SLC8A1: variants seen among roughly 807,000 people sequenced by gnomAD.
SLC8A1 encodes the protein sodium/calcium exchanger 1.
Under a neutral mutation model 68.3 loss-of-function variants are expected in SLC8A1, and 18 were observed. The observed-to-expected ratio is 0.26, with a 90% confidence interval of 0.18 to 0.39. SLC8A1 has a LOEUF of 0.39. Among genes scored for constraint, SLC8A1 ranks in the 10% least tolerant of loss-of-function variants. The pLI, the probability that SLC8A1 is intolerant of heterozygous loss-of-function variation, is 1.00. For missense variants in SLC8A1, 985 were observed against 1,156.7 expected, an observed-to-expected ratio of 0.85 and a Z score of 2.15; for synonymous variants, 475 against 415.5, an observed-to-expected ratio of 1.14 and a Z score of -1.74.
chr2:40,242,335 AT>A (rs35242782), intron 2 of SLC8A1, among the ~76,000 whole-genome samples: 1 of 152,172 alleles, frequency 6.6e-6, no homozygotes, highest in Non-Finnish European at 1.5e-5. Context: ...AAAGGTCCAC[AT>A]TTCCTTTCAT....
At chr2:40,454,676 T>A (rs1003160777), upstream of SLC8A1, among the ~76,000 whole-genome samples, 51 of 152,238 alleles carry the variant, frequency 3.4e-4, no homozygotes, top group African/African-American at 1.2e-3. Flanking sequence ...GGCATCCTTT[T>A]TGGTTCAGTC....
chr2:40,293,283 G>T (rs1394468278), intron 2 of SLC8A1, among the ~76,000 whole-genome samples: 2 of 152,080 alleles, frequency 1.3e-5, no homozygotes, highest in African/African-American at 4.8e-5. Flanking sequence ...CAGGGAACAT[G>T]GATGCTAACA....
At chr2:40,282,761 A>G (rs935850413) in intron 2 of SLC8A1, among the ~76,000 whole-genome samples, 1 of 152,130 alleles carries the variant, frequency 6.6e-6, no homozygotes, top group South Asian at 2.1e-4. Flanking sequence ...CTGCCCAGTA[A>G]CAGAGAACAG....
rs77063478 is a variant in SLC8A1, at chr2:40,469,120, G to T, written c.-24-38816C>A. Among the ~76,000 whole-genome samples, 1,086 of 152,150 alleles carry T rather than the reference G, an allele frequency of 7.1e-3. 16 individuals carry two copies. Among genetic ancestry groups the T allele is most frequent in the African/African-American group, 0.025 (1,038 of 41,522 alleles). On this transcript the variant is annotated intron_variant, in intron 1 of 7. Transcript: ENST00000402441. The stretch of plus-strand genomic sequence containing the variant: ...TCTCATTAACAGTGTGTGTGCAGTT[G>T]GTTTGAAAGAATAATGATTCAAGTA...
At chr2:40,240,098 T>C (rs1387725574) in intron 2 of SLC8A1, among the ~76,000 whole-genome samples, 5 of 152,174 alleles carry the variant, frequency 3.3e-5, no homozygotes, top group East Asian at 1.9e-4. Context: ...TGATGATGAA[T>C]TGGGACTCCA....
chr2:40,317,911 T>C (rs914325826), intron 2 of SLC8A1, among the ~76,000 whole-genome samples: 1 of 152,120 alleles, frequency 6.6e-6, no homozygotes, highest in African/African-American at 2.4e-5. Flanking sequence ...TATGTAGAGT[T>C]CTGTGAGGTC....
At chr2:40,366,792 T>C (rs1676342743) in intron 2 of SLC8A1, among the ~76,000 whole-genome samples, 1 of 151,650 alleles carries the variant, frequency 6.6e-6, no homozygotes, top group Admixed American at 6.6e-5. Flanking sequence ...ACAAATGCCA[T>C]TTGAAAATGT....
chr2:40,231,165 G>A (rs192664900), intron 2 of SLC8A1, among the ~76,000 whole-genome samples: 1 of 152,178 alleles, frequency 6.6e-6, no homozygotes, highest in East Asian at 1.9e-4. Context: ...ACTTCTACAA[G>A]AGAGGTGCTG....
At chr2:40,398,361 A>G (rs989292159) in intron 2 of SLC8A1, among the ~76,000 whole-genome samples, 6 of 152,114 alleles carry the variant, frequency 3.9e-5, no homozygotes, top group African/African-American at 1.2e-4. Context: ...ACTCCTCACC[A>G]TATGTCATGG....
intron 1 of SLC8A1, among the ~76,000 whole-genome samples, chr2:40,508,908 A>G (rs1045394485): frequency 6.6e-6 from 1 of 152,090 alleles, no homozygotes; most frequent in Non-Finnish European, 1.5e-5. Context: ...GACCCCACTA[A>G]CATTTAATTC....
intron 2 of SLC8A1, among the ~76,000 whole-genome samples, chr2:40,427,148 T>C (rs1343054275): frequency 6.6e-6 from 1 of 152,048 alleles, no homozygotes; most frequent in African/African-American, 2.4e-5. Flanking sequence ...CTGCTTTGCT[T>C]GATTTCATTG....
At chr2:40,431,488 G>T (rs1337562873) in intron 1 of SLC8A1, among the ~76,000 whole-genome samples, 2 of 151,982 alleles carry the variant, frequency 1.3e-5, no homozygotes, top group Non-Finnish European at 2.9e-5. Flanking sequence ...AACCACCATG[G>T]CCTTAAGTCC....
intron 2 of SLC8A1, among the ~76,000 whole-genome samples, chr2:40,242,159 T>A (rs62148833): frequency 0.051 from 7,816 of 151,964 alleles, 467 homozygotes; most frequent in African/African-American, 0.15. Context: ...TGTGTGTGTG[T>A]GAGAGAGAGA....
intron 2 of SLC8A1, among the ~76,000 whole-genome samples, chr2:40,198,772 G>C (rs2053575332): frequency 6.6e-6 from 1 of 151,988 alleles, no homozygotes; most frequent in Admixed American, 6.6e-5. Flanking sequence ...ACTCTGGAGA[G>C]TGACTCCAAA....
At chr2:40,463,826 A>G (rs1182672332) in intron 1 of SLC8A1, among the ~76,000 whole-genome samples, 7 of 127,324 alleles carry the variant, frequency 5.5e-5, no homozygotes, top group Admixed American at 4.3e-4. Context: ...ATATATACAT[A>G]CACACACACA....
At chr2:40,392,414 A>G (rs998054332) in intron 2 of SLC8A1, among the ~76,000 whole-genome samples, 1 of 151,994 alleles carries the variant, frequency 6.6e-6, no homozygotes, top group Non-Finnish European at 1.5e-5. Context: ...GATTTTCAAG[A>G]AAGGAAGAGA....
intron 1 of SLC8A1, among the ~76,000 whole-genome samples, chr2:40,487,438 G>C (rs1379227932): frequency 6.6e-6 from 1 of 152,086 alleles, no homozygotes; most frequent in Non-Finnish European, 1.5e-5. Context: ...CTACAATTAA[G>C]ACAGAGTCTA....
intron 2 of SLC8A1, among the ~76,000 whole-genome samples, chr2:40,394,847 G>C (rs967790596): frequency 2.0e-5 from 3 of 152,078 alleles, no homozygotes; most frequent in Non-Finnish European, 4.4e-5. Context: ...GTTGTCATTT[G>C]TGCAAAGACT....
At chr2:40,511,354 T>A (rs1706714547) in intron 1 of SLC8A1, among the ~76,000 whole-genome samples, 1 of 152,206 alleles carries the variant, frequency 6.6e-6, no homozygotes, top group East Asian at 1.9e-4. Flanking sequence ...TTCTCTTGAC[T>A]TTTGTGTTTG....
Sources: allele counts gnomAD v4.1 joint callset (sites outside exome capture counted in the v4.1 genomes callset), GRCh38; gene constraint gnomAD v4.1.1; transcripts MANE v1.5; gene names NCBI Gene and HGNC (gene_info 2026-07-23, HGNC 2026-07-21).